KIF18B: variants seen among roughly 807,000 people sequenced by gnomAD.
The protein encoded by KIF18B is kinesin-like protein KIF18B.
KIF18B carries 49 observed loss-of-function variants against 80.9 expected under a neutral mutation model. The ratio of observed to expected loss-of-function variants is 0.61; its 90% CI spans 0.48 to 0.77. The LOEUF (loss-of-function observed/expected upper bound fraction) is 0.77. Among genes scored for constraint, KIF18B ranks in the 30% least tolerant of loss-of-function variants. KIF18B has a pLI of 0.00. For missense variants in KIF18B, 994 were observed against 1,127.7 expected (o/e 0.88, Z 1.70); for synonymous variants, 439 against 463.9 (o/e 0.95, Z 0.69).
At chr17:44,944,325 C>T (rs538066406) in intron 1 of KIF18B, among the ~76,000 whole-genome samples, 1 of 152,104 alleles carries the variant, frequency 6.6e-6, no homozygotes, top group South Asian at 2.1e-4. Context: ...TCACTGCAAC[C>T]TCCGAGTCCC....
chr17:44,934,122 G>T lies in KIF18B; in HGVS notation c.886-23C>A. 6 of 1,609,464 alleles carry T rather than the reference G, an allele frequency of 3.7e-6. No individual in the cohort carries two copies. Among genetic ancestry groups the T allele is most frequent in the Non-Finnish European group, 5.1e-6 (6 of 1,177,928 alleles). ...GCCCTGGGGGGCAGTAAGCAGGTGT[G>T]GGGTGAGGCGACTGATGGCACTGAC... On this transcript the variant is annotated intron_variant, in intron 6 of 15. Coordinates refer to ENST00000593135, the MANE Select transcript of KIF18B (RefSeq NM_001265577.2). This position sits in a 1 kb window ranked among gnomAD's most constrained non-coding sequence, Gnocchi z 5.4.
rs1339024693 is a variant in KIF18B at position 44,941,377 on chromosome 17, C to A, written c.-14-5019G>T. 2.8e-5 allele frequency among the ~76,000 whole-genome samples: 4 copies of A among 144,580 alleles called. No individual in the cohort carries two copies. In the East Asian group the frequency reaches 8.0e-4, roughly 29 times the overall value. The allele number at this position is 144,580 out of a possible 152,430, so 94.9% of individuals were successfully genotyped here. ...TTTTTGAGACAGAGTCTCGCTCTGT[C>A]GCCCAGACTAGAGTGCAGTGGCACG... On this transcript the variant is annotated intron_variant, in intron 1 of 15. Coordinates refer to ENST00000593135, the MANE Select transcript of KIF18B (RefSeq NM_001265577.2).
chr17:44,941,618 C>T (rs1343884403), intron 1 of KIF18B, among the ~76,000 whole-genome samples: 2 of 152,170 alleles, frequency 1.3e-5, no homozygotes. Context: ...GGATTACAGG[C>T]GTGAGCCACT....
At position 44,936,209 on chromosome 17, in the gene KIF18B, C is replaced by T. The variant is rs756864529; in HGVS notation, c.136G>A (p.Asp46Asn). The T allele has an allele frequency of 4.3e-5, 70 of 1,611,102 alleles. No homozygotes were observed. The highest frequency in any genetic ancestry group is 5.1e-5 in the Non-Finnish European group (60 of 1,178,992). The change falls in exon 2 of 16, where the codon GAT (aspartate) becomes AAT (asparagine). Residue 46 changes from aspartate to asparagine, a missense_variant. Asp to Asn is a conservative substitution (Grantham distance 23). Coordinates refer to ENST00000593135, the MANE Select transcript of KIF18B (RefSeq NM_001265577.2). Reference sequence around the variant, plus strand: ...CATTTCAGGCCAGGGAACCCTCCATCGGGCTCCTCAGGGTTAAACACCAGC... The same window carrying T: ...CATTTCAGGCCAGGGAACCCTCCATTGGGCTCCTCAGGGTTAAACACCAGC... ...RVLVFNPEEP[D>N]GGFPGLKWGG...
chr17:44,944,825 T>C (rs1348468733), intron 1 of KIF18B, among the ~76,000 whole-genome samples: 1 of 152,198 alleles, frequency 6.6e-6, no homozygotes, highest in Non-Finnish European at 1.5e-5. Flanking sequence ...TGTTTTTTCC[T>C]AGAAAATTTT....
At chr17:44,926,248 C>T (rs1405879488) in intron 15 of KIF18B, 62 bp from the exon 16 acceptor site, 2 of 1,602,980 alleles carry the variant, frequency 1.2e-6, no homozygotes, top group Non-Finnish European at 1.7e-6. Flanking sequence ...CGCTCTGTCC[C>T]CGTCCTCCAG....
chr17:44,943,648 A>G (rs2052460487), intron 1 of KIF18B, among the ~76,000 whole-genome samples: 1 of 152,114 alleles, frequency 6.6e-6, no homozygotes, highest in Admixed American at 6.5e-5. Context: ...TAGTTTACCT[A>G]TATATATTTA....
In KIF18B at chr17:44,927,104, GC is replaced by G. The variant is rs1204861692; in HGVS notation, c.2277-27del. 6.4e-7 allele frequency: 1 copy of G among 1,567,362 alleles called. No homozygotes were observed. Among genetic ancestry groups the G allele is most frequent in the South Asian group, 1.2e-5 (1 of 85,848 alleles). On this transcript the variant is annotated intron_variant, in intron 13 of 15. Coordinates refer to ENST00000593135, the MANE Select transcript of KIF18B (RefSeq NM_001265577.2). The surrounding 1 kb of genome is among the most constrained non-coding windows in gnomAD (Gnocchi z 4.1). ...CTGGGGAGGGAGGACAGGGAAGGAG[GC>G]TGATCAGCAGGGAACCGGAAGCAAG...
chr17:44,934,206 G>A lies in KIF18B; in HGVS notation c.885+27C>T. ...TTCAGGTGCTCAGTTGCTATCCTGG[G>A]GAGAATACTGGCCTGTGCTGCTTTA... On this transcript the variant is annotated intron_variant, in intron 6 of 15. Transcript: ENST00000593135. This position sits in a 1 kb window ranked among gnomAD's most constrained non-coding sequence, Gnocchi z 5.4. 6.3e-7 allele frequency: 1 copy of A among 1,599,800 alleles called. No homozygotes were observed. The highest frequency in any genetic ancestry group is 8.5e-7 in the Non-Finnish European group (1 of 1,172,202).
chr17:44,934,882 G>C lies in KIF18B; in HGVS notation c.525C>G (p.Ile175Met). The C allele has an allele frequency of 6.4e-7, 1 of 1,552,090 alleles. No individual in the cohort carries two copies. The highest frequency in any genetic ancestry group is 8.7e-7 in the Non-Finnish European group (1 of 1,146,898). The change falls in exon 4 of 16, where the codon ATC becomes ATG. Residue 175 changes from isoleucine to methionine, a missense_variant. Transcript: ENST00000593135. The surrounding 1 kb of genome is among the most constrained non-coding windows in gnomAD (Gnocchi z 5.4). ...DLLEPKGPLA[I>M]REDPDKGVVV... ...CCACCCCCTTGTCGGGGTCCTCGCGGATGGCAAGGGGCCCCTTGGGCTCCA... is the reference window on the plus strand; with the variant it reads ...CCACCCCCTTGTCGGGGTCCTCGCGCATGGCAAGGGGCCCCTTGGGCTCCA...
At chr17:44,945,354 C>T (rs1431741543) in intron 1 of KIF18B, among the ~76,000 whole-genome samples, 3 of 152,170 alleles carry the variant, frequency 2.0e-5, no homozygotes, top group Admixed American at 2.0e-4. Flanking sequence ...AGCCACCATG[C>T]CCAGTCTTAT....
Position 44,927,194 on chromosome 17 carries a change from C to T in KIF18B, c.2277-116G>A, listed in dbSNP as rs76371145. ...GGGGGAGGGTGGTTGGACAAGATGA[C>T]CTCTGAGGTTTCTTCTACAAAGAGG... On this transcript the variant is annotated intron_variant, in intron 13 of 15. Coordinates refer to ENST00000593135, the MANE Select transcript of KIF18B (RefSeq NM_001265577.2). This position sits in a 1 kb window ranked among gnomAD's most constrained non-coding sequence, Gnocchi z 4.1. 1 of 690,976 alleles carries T rather than the reference C, an allele frequency of 1.4e-6. No homozygotes were observed. The highest frequency in any genetic ancestry group is 2.4e-6 in the Non-Finnish European group (1 of 414,354). 42.8% of individuals were successfully genotyped at this position (690,976 alleles called of 1,614,324 possible).
Position 44,931,692 on chromosome 17 carries a change from G to T in KIF18B, c.1427C>A (p.Ala476Glu). Residue 476 changes from alanine to glutamate, a missense_variant, in exon 11 of 16, where the codon GCA becomes GAA. Ala to Glu is a moderately radical substitution (Grantham distance 107). Transcript: ENST00000593135. ...TQMPEQNPTH[A>E]LPESPRLTLQ... ...GGTCAGGCGAGGGGACTCTGGCAGT[G>T]CATGTGTGGGGTTCTGCTCTGGCAT... 6 of 1,613,988 alleles carry T rather than the reference G, an allele frequency of 3.7e-6. No individual in the cohort carries two copies. Among genetic ancestry groups the T allele is most frequent in the Non-Finnish European group, 5.1e-6 (6 of 1,179,898 alleles).
rs940862089 is a variant in KIF18B, at chr17:44,924,859, T to G, written c.*1221A>C. ...TTAAGCCTGAATTCCCCTTTACACTTTATTTTACACTGAACGTGTATCCTA... is the reference window on the plus strand; with the variant it reads ...TTAAGCCTGAATTCCCCTTTACACTGTATTTTACACTGAACGTGTATCCTA... On this transcript the variant is annotated 3_prime_UTR_variant, in exon 16 of 16. Transcript: ENST00000593135. 1 of 70,068 alleles carries G rather than the reference T, an allele frequency of 1.4e-5. No individual in the cohort carries two copies. The highest frequency in any genetic ancestry group is 6.5e-5 in the African/African-American group (1 of 15,346). 4.3% of individuals were successfully genotyped at this position (70,068 alleles called of 1,614,324 possible).
chr17:44,931,863 C>A, intron 10 of KIF18B, 134 bp from the exon 11 acceptor site: 2 of 1,271,508 alleles, frequency 1.6e-6, no homozygotes, highest in Non-Finnish European at 2.2e-6. Flanking sequence ...TGGTCACTTC[C>A]AAACACACAA....
rs1230594563 is a variant in KIF18B at position 44,926,171 on chromosome 17, G to A, written c.2468C>T (p.Pro823Leu). The A allele has an allele frequency of 4.3e-6, 7 of 1,613,784 alleles. No homozygotes were observed. The highest frequency in any genetic ancestry group is 4.0e-5 in the African/African-American group (3 of 74,902). The change falls in exon 16 of 16, where the codon CCC becomes CTC. Residue 823 changes from proline to leucine, a missense_variant. By Grantham distance (98) the Pro-to-Leu change is moderately conservative. Transcript: ENST00000593135. Reference protein sequence around the residue: ...PLVLPELPLSPLCPSNRRNGK... With the variant: ...PLVLPELPLSLLCPSNRRNGK... Reference sequence around the variant, plus strand: ...ATTCCTCCGGTTGCTAGGGCACAGGGGACTCAAGGGCAGCTCTGCAGGCCA... The same window carrying A: ...ATTCCTCCGGTTGCTAGGGCACAGGAGACTCAAGGGCAGCTCTGCAGGCCA...
At chr17:44,940,322 G>A (rs1257258534) in intron 1 of KIF18B, among the ~76,000 whole-genome samples, 2 of 152,216 alleles carry the variant, frequency 1.3e-5, no homozygotes, top group East Asian at 1.9e-4. Flanking sequence ...CATTAGGAAG[G>A]TAGGAATGGG....
chr17:44,938,017 CAT>C (rs566922562), intron 1 of KIF18B, among the ~76,000 whole-genome samples: 53 of 132,144 alleles, frequency 4.0e-4, no homozygotes, highest in South Asian at 1.4e-3. Context: ...CACACACACA[CAT>C]ATATATTTTT....
chr17:44,935,108 G>A, intron 3 of KIF18B, 151 bp downstream of exon 3: 1 of 925,276 alleles, frequency 1.1e-6, no homozygotes, highest in South Asian at 1.8e-5. Flanking sequence ...GGTGTCTCTA[G>A]TGCAGCATCT....
Sources: allele counts gnomAD v4.1 joint callset (sites outside exome capture counted in the v4.1 genomes callset), GRCh38; gene constraint gnomAD v4.1.1; non-coding constraint Gnocchi (gnomAD v3.1); transcripts MANE v1.5; gene names NCBI Gene and HGNC (gene_info 2026-07-23, HGNC 2026-07-21).